The following ARK2C variants were observed in gnomAD, a reference collection of about 807,000 sequenced individuals.
The protein encoded by ARK2C is E3 ubiquitin-protein ligase ARK2C.
chr18:46,463,016 A>G, the ARK2C span: 65 of 152,406 alleles, frequency 4.3e-4, no homozygotes, highest in African/African-American at 1.4e-3. Context: ...TATGAATATT[A>G]AAGCAATAGT....
the ARK2C span, among the ~76,000 whole-genome samples, chr18:46,343,240 A>C: frequency 6.6e-6 from 1 of 152,212 alleles, no homozygotes; most frequent in Admixed American, 6.5e-5. Context: ...CGAGAGGCCC[A>C]AATAAGTGGA....
At chr18:46,443,696 C>A in the ARK2C span, among the ~76,000 whole-genome samples, 2 of 152,188 alleles carry the variant, frequency 1.3e-5, no homozygotes, top group African/African-American at 4.8e-5. Flanking sequence ...AGAGACTGTA[C>A]GGCTTTTGAA....
chr18:46,395,590 G>C, the ARK2C span, among the ~76,000 whole-genome samples: 1 of 152,106 alleles, frequency 6.6e-6, no homozygotes, highest in Non-Finnish European at 1.5e-5. Context: ...ACAGCAGCTG[G>C]GACTCAAACC....
At chr18:46,357,633 C>T in the ARK2C span, among the ~76,000 whole-genome samples, 1 of 152,206 alleles carries the variant, frequency 6.6e-6, no homozygotes, top group South Asian at 2.1e-4. Flanking sequence ...CTGTGGGGCA[C>T]TGGGCTCGAG....
At chr18:46,388,791 C>T in the ARK2C span, among the ~76,000 whole-genome samples, 15 of 151,832 alleles carry the variant, frequency 9.9e-5, no homozygotes, top group African/African-American at 3.1e-4. Flanking sequence ...GAGGGGTAAA[C>T]GTAGAGAACT....
chr18:46,453,345 G>C, the ARK2C span, among the ~76,000 whole-genome samples: 1 of 152,174 alleles, frequency 6.6e-6, no homozygotes, highest in Non-Finnish European at 1.5e-5. Flanking sequence ...TCCAGGAGCA[G>C]CACCTGTGTC....
the ARK2C span, chr18:46,456,175 G>T: frequency 1.3e-6 from 1 of 788,036 alleles, no homozygotes; most frequent in South Asian, 1.6e-5. Context: ...GTGCTTGTTT[G>T]CTTGTGCACG....
At chr18:46,355,122 GT>G in the ARK2C span, among the ~76,000 whole-genome samples, 7 of 146,770 alleles carry the variant, frequency 4.8e-5, no homozygotes, top group Admixed American at 1.4e-4. Context: ...GCTAATTTTT[GT>G]TTTTTTTTTA....
the ARK2C span, among the ~76,000 whole-genome samples, chr18:46,351,968 G>T: frequency 1.3e-5 from 2 of 152,190 alleles, no homozygotes; most frequent in Non-Finnish European, 2.9e-5. Flanking sequence ...CTAGGGGTGG[G>T]TATATTTCCT....
chr18:46,447,371 G>A, the ARK2C span: 1 of 627,278 alleles, frequency 1.6e-6, no homozygotes, highest in African/African-American at 1.8e-5. Context: ...AGACCTTTCA[G>A]AGTCCTTTCC....
the ARK2C span, chr18:46,336,270 A>G: frequency 5.1e-6 from 5 of 985,252 alleles, no homozygotes; most frequent in Non-Finnish European, 6.0e-6. Context: ...CCTCATTAAT[A>G]CCACCAATCT....
the ARK2C span, among the ~76,000 whole-genome samples, chr18:46,451,569 A>G: frequency 6.6e-6 from 1 of 152,318 alleles, no homozygotes; most frequent in South Asian, 2.1e-4. Context: ...CTAAGGATGG[A>G]GAATCACTTT....
the ARK2C span, among the ~76,000 whole-genome samples, chr18:46,344,785 C>A: frequency 6.6e-6 from 1 of 152,206 alleles, no homozygotes; most frequent in Non-Finnish European, 1.5e-5. Flanking sequence ...AAGAACTGGT[C>A]CTCGCATGGC....
the ARK2C span, among the ~76,000 whole-genome samples, chr18:46,400,268 G>A: frequency 6.6e-6 from 1 of 152,202 alleles, no homozygotes; most frequent in African/African-American, 2.4e-5. Context: ...GTAGGCCTGG[G>A]GGACTCTCTT....
At chr18:46,336,415 C>T in the ARK2C span, 1 of 985,380 alleles carries the variant, frequency 1.0e-6, no homozygotes, top group Non-Finnish European at 1.2e-6. Context: ...AAATTCTGCC[C>T]ATCAGTTAAA....
chr18:46,423,697 C>T, the ARK2C span, among the ~76,000 whole-genome samples: 1 of 152,358 alleles, frequency 6.6e-6, no homozygotes, highest in East Asian at 1.9e-4. Context: ...TTGGCCATGA[C>T]TACTCTAGAG....
chr18:46,425,027 C>A, the ARK2C span, among the ~76,000 whole-genome samples: 2 of 152,344 alleles, frequency 1.3e-5, no homozygotes, highest in East Asian at 3.9e-4. Flanking sequence ...TCTCCCTGCC[C>A]CTCCCTGGTG....
At chr18:46,442,818 G>T in the ARK2C span, among the ~76,000 whole-genome samples, 2 of 151,740 alleles carry the variant, frequency 1.3e-5, no homozygotes, top group Non-Finnish European at 2.9e-5. Context: ...CACTTATTTT[G>T]ACTTATATAT....
the ARK2C span, among the ~76,000 whole-genome samples, chr18:46,350,339 A>G: frequency 6.6e-6 from 1 of 152,152 alleles, no homozygotes; most frequent in Non-Finnish European, 1.5e-5. Context: ...GCTCCCCACT[A>G]TGATGGAGAA....
Sources: gnomAD v4.1 joint callset for allele counts (sites outside exome capture counted in the v4.1 genomes callset) on GRCh38, gnomAD v4.1.1 for gene constraint, MANE v1.5 for transcripts, NCBI Gene and HGNC (gene_info 2026-07-23, HGNC 2026-07-21) for gene names.